Variants in KANK1 observed in about 807,000 individuals in gnomAD.
KANK1 encodes the protein KN motif and ankyrin repeat domain-containing protein 1.
In KANK1, 109 loss-of-function variants were observed where a neutral mutation model predicts 106.2. The ratio of observed to expected loss-of-function variants is 1.03; its 90% CI spans 0.88 to 1.20. KANK1 has a LOEUF of 1.20. Among genes scored for constraint, KANK1 ranks in the 50% most tolerant of loss-of-function variants. The pLI is 0.00. For missense variants in KANK1, 2,399 were observed against 1,710.7 expected, an observed-to-expected ratio of 1.40 and a Z score of -7.10; for synonymous variants, 873 against 652.2, an observed-to-expected ratio of 1.34 and a Z score of -5.16.
chr9:574,844 G>C (rs1820128722), intron 1 of KANK1, among the ~76,000 whole-genome samples: 1 of 138,670 alleles, frequency 7.2e-6, no homozygotes. Context: ...GACAGAGTGA[G>C]ACTCCGTCTC....
At chr9:670,949 G>GTTTTT (rs5895857) in intron 1 of KANK1, among the ~76,000 whole-genome samples, 5 of 103,106 alleles carry the variant, frequency 4.8e-5, no homozygotes, top group African/African-American at 9.9e-5. Flanking sequence ...GTCTGCTGGA[G>GTTTTT]TTTTTTTTTT....
intron 1 of KANK1, among the ~76,000 whole-genome samples, chr9:603,234 A>G (rs911866695): frequency 6.6e-6 from 1 of 151,892 alleles, no homozygotes; most frequent in Admixed American, 6.5e-5. Flanking sequence ...TTTGGAGATG[A>G]TGTTAAATGT....
intron 3 of KANK1, chr9:495,160 A>G (rs1350222473): frequency 6.6e-6 from 1 of 152,266 alleles, no homozygotes; most frequent in Non-Finnish European, 1.5e-5. Flanking sequence ...CAAGTATCAA[A>G]GCAGAATTTC....
chr9:544,804 T>G, intron 1 of KANK1, among the ~76,000 whole-genome samples: 2 of 127,582 alleles, frequency 1.6e-5, no homozygotes, highest in Non-Finnish European at 3.2e-5. Context: ...GTTTAGTGTG[T>G]GATTATTGGG....
At chr9:715,551 T>G (rs535027381) in intron 3 of KANK1, among the ~76,000 whole-genome samples, 1 of 152,322 alleles carries the variant, frequency 6.6e-6, no homozygotes, top group East Asian at 1.9e-4. Flanking sequence ...GTGACAGTGT[T>G]TTTTGGTCTA....
intron 1 of KANK1, among the ~76,000 whole-genome samples, chr9:606,112 C>A (rs1299300059): frequency 1.3e-5 from 2 of 150,212 alleles, no homozygotes; most frequent in Non-Finnish European, 2.9e-5. Flanking sequence ...AACTTTCCCC[C>A]AGTATATAGC....
intron 2 of KANK1, among the ~76,000 whole-genome samples, chr9:706,333 AC>A (rs1824151974): frequency 6.6e-6 from 1 of 152,208 alleles, no homozygotes; most frequent in Non-Finnish European, 1.5e-5. Flanking sequence ...TGTGATTTCT[AC>A]AAGGTGAACT....
intron 1 of KANK1, among the ~76,000 whole-genome samples, chr9:581,826 G>A (rs1401822472): frequency 1.3e-5 from 2 of 152,074 alleles, no homozygotes; most frequent in Non-Finnish European, 2.9e-5. Flanking sequence ...GGCTAGGGAG[G>A]GTGCTTTGTC....
rs1832570951 is a variant in KANK1, at chr9:732,469, G to A, written c.3097G>A (p.Glu1033Lys). 8 of 1,613,964 alleles carry A rather than the reference G, an allele frequency of 5.0e-6. No homozygotes were observed. Among genetic ancestry groups the A allele is most frequent in the Non-Finnish European group, 6.8e-6 (8 of 1,179,880 alleles). Reference protein sequence around the residue: ...DECDVIEYPLEEEEEEEDEDT... With the variant: ...DECDVIEYPLKEEEEEEDEDT... Reference sequence around the variant, plus strand: ...GTGTGATGTCATTGAGTATCCTCTTGAAGAAGAGGAGGAGGAGGAGGATGA... The same window carrying A: ...GTGTGATGTCATTGAGTATCCTCTTAAAGAAGAGGAGGAGGAGGAGGATGA... Residue 1033 changes from glutamate (E) to lysine (K), a missense_variant, in exon 6 of 12, where the codon GAA becomes AAA. Glu to Lys is a moderately conservative substitution (Grantham distance 56, BLOSUM62 1). Transcript: ENST00000382297.
At chr9:538,204 C>T (rs1044754316) in intron 1 of KANK1, among the ~76,000 whole-genome samples, 17 of 152,202 alleles carry the variant, frequency 1.1e-4, no homozygotes, top group African/African-American at 3.9e-4. Flanking sequence ...AATAATAGTG[C>T]CCAACTTAGG....
chr9:614,923 T>C (rs11792645), intron 1 of KANK1, among the ~76,000 whole-genome samples: 54,093 of 152,054 alleles, frequency 0.36, 12,486 homozygotes, highest in South Asian at 0.58. Flanking sequence ...AGTACAAAAT[T>C]GTACATATAT....
chr9:549,725 T>C (rs1365308336), intron 1 of KANK1: 1 of 152,414 alleles, frequency 6.6e-6, no homozygotes, highest in Non-Finnish European at 1.5e-5. Flanking sequence ...CTCTGAGGTA[T>C]GAGTGGCTGT....
chr9:515,737 C>T lies in KANK1; in HGVS notation c.-84+10983C>T, dbSNP rs138861635. ...TAAAAGAAAACTTGAGATCCTGATG[C>T]ACCATTTTTTAAAGGGTTTTAAAAA... On this transcript the variant is annotated intron_variant, in intron 1 of 11. Transcript: ENST00000382297. Among the ~76,000 whole-genome samples the T allele has an allele frequency of 5.3e-3, 809 of 151,806 alleles. 35 individuals carry two copies. Among genetic ancestry groups the T allele is most frequent in the African/African-American group, 0.018 (724 of 41,134 alleles).
intron 3 of KANK1, 55 bp from the exon 4 acceptor site, chr9:729,996 G>A (rs536610784): frequency 3.4e-6 from 5 of 1,471,332 alleles, no homozygotes; most frequent in Middle Eastern, 2.0e-4. Context: ...TTTTGTTGAA[G>A]CCTGCTTTTT....
At chr9:745,050 C>G in intron 11 of KANK1, 123 bp from the exon 12 acceptor site, 2 of 1,521,276 alleles carry the variant, frequency 1.3e-6, no homozygotes, top group African/African-American at 1.4e-5. Context: ...TCAGCCAGAG[C>G]TCTCCTGGCT....
chr9:682,643 C>T (rs1016721129), intron 2 of KANK1, among the ~76,000 whole-genome samples: 4 of 152,178 alleles, frequency 2.6e-5, no homozygotes, highest in Non-Finnish European at 2.9e-5. Context: ...CAGAGAACAT[C>T]TTCCCTGGTC....
intron 1 of KANK1, among the ~76,000 whole-genome samples, chr9:595,853 A>G (rs1826085727): frequency 6.6e-6 from 1 of 151,882 alleles, no homozygotes; most frequent in Non-Finnish European, 1.5e-5. Flanking sequence ...TAGATAGAAG[A>G]ATTATTAATT....
intron 1 of KANK1, among the ~76,000 whole-genome samples, chr9:536,000 T>A (rs73371010): frequency 0.031 from 4,751 of 152,234 alleles, 244 homozygotes; most frequent in African/African-American, 0.11. Context: ...TAAAGTCTTT[T>A]AGTTTTCTAT....
At position 712,970 on chromosome 9, in the gene KANK1, C is replaced by G. The variant is rs1826608123; in HGVS notation, c.2204C>G (p.Ser735Cys). The change falls in exon 3 of 12, where the codon TCC (serine) becomes TGC (cysteine). Residue 735 changes from serine (S) to cysteine (C), a missense_variant. Coordinates refer to ENST00000382297, the MANE Select transcript of KANK1 (RefSeq NM_015158.5). ...ATCAACTCCTCCACCAAGACGCGGT[C>G]CATTGGTGTTGGAACGTTGCTTTCT... ...KDINSSTKTR[S>C]IGVGTLLSGH... 1.2e-6 allele frequency: 2 copies of G among 1,614,052 alleles called. No homozygotes were observed. The highest frequency in any genetic ancestry group is 1.3e-5 in the African/African-American group (1 of 74,930).
Sources: gnomAD v4.1 joint callset for allele counts (sites outside exome capture counted in the v4.1 genomes callset) on GRCh38, gnomAD v4.1.1 for gene constraint, MANE v1.5 for transcripts, NCBI Gene and HGNC (gene_info 2026-07-23, HGNC 2026-07-21) for gene names.